The following B3GALT1 variants were observed in gnomAD, a reference collection of about 807,000 sequenced individuals.
B3GALT1 encodes UDP-Gal:betaGlcNAc beta 1,3-galactosyltransferase, polypeptide 1.
B3GALT1 carries 10 observed loss-of-function variants against 23.2 expected under a neutral mutation model. The ratio of observed to expected loss-of-function variants is 0.43; its 90% CI spans 0.27 to 0.73. The LOEUF is 0.73. Among genes scored for constraint, B3GALT1 ranks in the 30% least tolerant of loss-of-function variants. The pLI is 0.21. For missense variants in B3GALT1, 299 were observed against 405.4 expected (o/e 0.74, Z 2.25); for synonymous variants, 156 against 141.5 (o/e 1.10, Z -0.73).
chr2:167,400,329 C>G (rs760853383), intron 1 of B3GALT1, among the ~76,000 whole-genome samples: 10 of 151,920 alleles, frequency 6.6e-5, no homozygotes, highest in Non-Finnish European at 1.3e-4. Flanking sequence ...TAATTTCTTC[C>G]CCTTTTATTT....
At chr2:167,760,128 C>T (rs947203151) in intron 3 of B3GALT1, among the ~76,000 whole-genome samples, 1 of 152,108 alleles carries the variant, frequency 6.6e-6, no homozygotes, top group African/African-American at 2.4e-5. Flanking sequence ...AAGGATACTG[C>T]CATACTTAGT....
chr2:167,651,120 C>G (rs567903110), intron 3 of B3GALT1, among the ~76,000 whole-genome samples: 13 of 152,008 alleles, frequency 8.6e-5, no homozygotes, highest in Middle Eastern at 3.4e-3. Context: ...ATGCAATGAA[C>G]TTTTGTTAGG....
intron 3 of B3GALT1, among the ~76,000 whole-genome samples, chr2:167,722,777 C>T (rs529078177): frequency 2.6e-5 from 4 of 152,242 alleles, no homozygotes; most frequent in Middle Eastern, 3.4e-3. Context: ...AGTAAAAGCT[C>T]AAATTCCTAA....
rs1686123234 is a variant in B3GALT1, at chr2:167,663,951, A to G, written c.-352+16985A>G. Among the ~76,000 whole-genome samples the G allele has an allele frequency of 2.6e-5, 4 of 151,058 alleles. No individual in the cohort carries two copies. The South Asian group carries it at 8.4e-4, about 32-fold the overall frequency. On this transcript the variant is annotated intron_variant, in intron 3 of 4. Coordinates refer to ENST00000392690, the MANE Select transcript of B3GALT1 (RefSeq NM_020981.4). ...ATGGTAGTTTCTTTTGCTGTGCAGA[A>G]GCTCTTTAGTTTAATGAGATCCCAT... is the stretch of plus-strand genomic sequence containing the variant.
rs930281707 is a variant in B3GALT1 at position 167,682,877 on chromosome 2, T to C, written c.-352+35911T>C. On this transcript the variant is annotated intron_variant, in intron 3 of 4. Transcript: ENST00000392690. ...AATATGTATACTCAAAGTAACTGTC[T>C]GATTTGATAAAATTAGAAATCTGTG... Among the ~76,000 whole-genome samples, 3 of 152,252 alleles carry C rather than the reference T, an allele frequency of 2.0e-5. No individual in the cohort carries two copies. The East Asian group carries it at 5.8e-4, about 29-fold the overall frequency.
chr2:167,733,962 T>G (rs1687452141), intron 3 of B3GALT1, among the ~76,000 whole-genome samples: 1 of 152,068 alleles, frequency 6.6e-6, no homozygotes, highest in Non-Finnish European at 1.5e-5. Flanking sequence ...TGGTTTAATC[T>G]AACTGCGGCT....
At chr2:167,317,866 A>G (rs1432169951) in intron 1 of B3GALT1, among the ~76,000 whole-genome samples, 1 of 152,140 alleles carries the variant, frequency 6.6e-6, no homozygotes, top group Admixed American at 6.5e-5. Flanking sequence ...CACATTGCAA[A>G]TAGATAAATT....
intron 2 of B3GALT1, among the ~76,000 whole-genome samples, chr2:167,608,251 AAGATAG>A (rs750892165): frequency 2.6e-5 from 4 of 152,178 alleles, no homozygotes; most frequent in Non-Finnish European, 5.9e-5. Flanking sequence ...GACAACTAAT[AAGATAG>A]AGAGTTGCTT....
At chr2:167,551,889 G>C (rs1683754238) in intron 2 of B3GALT1, among the ~76,000 whole-genome samples, 1 of 152,088 alleles carries the variant, frequency 6.6e-6, no homozygotes, top group Non-Finnish European at 1.5e-5. Context: ...ATTTGAGAAG[G>C]GTTCTGGAGT....
chr2:167,560,567 T>C (rs4564744), intron 2 of B3GALT1, among the ~76,000 whole-genome samples: 152,080 of 152,148 alleles, frequency 1, 76,006 homozygotes, highest in Middle Eastern at 1. Flanking sequence ...ACGCATCTCA[T>C]GTGCAGAGAC....
At chr2:167,377,706 A>G (rs768770124) in intron 1 of B3GALT1, among the ~76,000 whole-genome samples, 15 of 152,098 alleles carry the variant, frequency 9.9e-5, no homozygotes, top group Non-Finnish European at 2.1e-4. Flanking sequence ...CTTTGAACCT[A>G]TGGGTGTCGT....
intron 3 of B3GALT1, among the ~76,000 whole-genome samples, chr2:167,690,959 A>G (rs182592974): frequency 3.3e-5 from 5 of 152,254 alleles, no homozygotes; most frequent in Admixed American, 1.3e-4. Context: ...CAACATGGAA[A>G]TGAGTCTTAA....
At chr2:167,488,386 T>C (rs1381309414) in intron 1 of B3GALT1, among the ~76,000 whole-genome samples, 1 of 152,238 alleles carries the variant, frequency 6.6e-6, no homozygotes, top group Non-Finnish European at 1.5e-5. Context: ...ATAAGGGCTG[T>C]GTCTATTTTG....
chr2:167,428,455 A>T (rs548915367), intron 1 of B3GALT1, among the ~76,000 whole-genome samples: 1 of 151,944 alleles, frequency 6.6e-6, no homozygotes, highest in African/African-American at 2.4e-5. Context: ...TGAGAGGATC[A>T]CTTGAGGTCA....
At chr2:167,561,646 T>C (rs4865549) in intron 2 of B3GALT1, among the ~76,000 whole-genome samples, 1 of 151,966 alleles carries the variant, frequency 6.6e-6, no homozygotes, top group Non-Finnish European at 1.5e-5. Context: ...CCCACAGAAA[T>C]AAAAACTACC....
rs1558974686 is a variant in B3GALT1 at position 167,774,472 on chromosome 2, G to GTTTTTTTTGTTTGTTTTTT, written c.-351-44192_-351-44191insGTTTGTTTTTTTTTTTTTT. 4.5e-5 allele frequency among the ~76,000 whole-genome samples: 5 copies of GTTTTTTTTGTTTGTTTTTT among 111,930 alleles called. 1 individual carries two copies. Among genetic ancestry groups the GTTTTTTTTGTTTGTTTTTT allele is most frequent in the Admixed American group, 9.4e-5 (1 of 10,682 alleles). 73.4% of individuals were successfully genotyped at this position (111,930 alleles called of 152,430 possible). A position where few individuals can be genotyped will look rare whatever the true frequency, so the allele number is the denominator to read the frequency against. On this transcript the variant is annotated intron_variant, in intron 3 of 4. Transcript: ENST00000392690. ...TTCTGTAGTTTTTCTGTGTTTATTG[G>GTTTTTTTTGTTTGTTTTTT]TTTTTTTTTTTTGTTTTTTTTTTTG...
At chr2:167,680,406 TGA>T (rs60938313) in intron 3 of B3GALT1, among the ~76,000 whole-genome samples, 35 of 149,376 alleles carry the variant, frequency 2.3e-4, no homozygotes, top group African/African-American at 5.1e-4. Flanking sequence ...AGAAACAGAT[TGA>T]GAGAGAGAGA....
intron 1 of B3GALT1, among the ~76,000 whole-genome samples, chr2:167,380,664 T>C (rs1288457801): frequency 6.6e-6 from 1 of 152,122 alleles, no homozygotes; most frequent in African/African-American, 2.4e-5. Context: ...AGTGTTTCCT[T>C]GTGTCTTTCC....
chr2:167,387,376 T>C (rs1484514187), intron 1 of B3GALT1, among the ~76,000 whole-genome samples: 1 of 152,206 alleles, frequency 6.6e-6, no homozygotes, highest in Non-Finnish European at 1.5e-5. Flanking sequence ...TTCAAAATTG[T>C]AAAATTGGAT....
Sources: gnomAD v4.1 joint callset for allele counts (sites outside exome capture counted in the v4.1 genomes callset) on GRCh38, gnomAD v4.1.1 for gene constraint, MANE v1.5 for transcripts, NCBI Gene and HGNC (gene_info 2026-07-23, HGNC 2026-07-21) for gene names.